The following HPSE2 variants were observed in gnomAD, a reference collection of about 807,000 sequenced individuals.
HPSE2 encodes heparanase 2 (inactive).
Under a neutral mutation model 60.5 loss-of-function variants are expected in HPSE2, and 38 were observed. The ratio of observed to expected loss-of-function variants is 0.63; its 90% CI spans 0.48 to 0.82. The LOEUF is 0.82. HPSE2 is among the 40% of genes least tolerant of loss of function. HPSE2 has a pLI of 0.00. For missense variants in HPSE2, 713 were observed against 740.4 expected (o/e 0.96, Z 0.43); for synonymous variants, 295 against 293.2 (o/e 1.01, Z -0.06).
At chr10:98,613,249 C>T (rs1945809850) in intron 9 of HPSE2, among the ~76,000 whole-genome samples, 1 of 152,198 alleles carries the variant, frequency 6.6e-6, no homozygotes. Context: ...TTAGTGCTTA[C>T]ATTTCATAGA....
At chr10:98,861,103 A>T (rs982632543) in intron 3 of HPSE2, among the ~76,000 whole-genome samples, 2 of 152,208 alleles carry the variant, frequency 1.3e-5, no homozygotes, top group African/African-American at 4.8e-5. Context: ...GGTGGTAAAG[A>T]TATTAACATG....
intron 3 of HPSE2, among the ~76,000 whole-genome samples, chr10:98,940,602 A>C (rs1276093635): frequency 7.1e-6 from 1 of 140,122 alleles, no homozygotes; most frequent in Non-Finnish European, 1.5e-5. Context: ...TAGCTTACCA[A>C]CCAAAAAGAG....
intron 3 of HPSE2, among the ~76,000 whole-genome samples, chr10:98,772,391 T>C (rs747882090): frequency 2.0e-5 from 3 of 152,124 alleles, no homozygotes; most frequent in Non-Finnish European, 4.4e-5. Context: ...TAGTCCCTGG[T>C]CCCGAGCCAA....
At chr10:98,899,410 T>C (rs906422430) in intron 3 of HPSE2, among the ~76,000 whole-genome samples, 26 of 152,186 alleles carry the variant, frequency 1.7e-4, no homozygotes, top group Admixed American at 6.5e-4. Context: ...TTACAAACCA[T>C]ATATCTGATA....
the HPSE2 span, among the ~76,000 whole-genome samples, chr10:99,314,219 G>A: frequency 6.6e-6 from 1 of 152,182 alleles, no homozygotes; most frequent in African/African-American, 2.4e-5. Flanking sequence ...CTGGAATGCA[G>A]TGCCACCATC....
At chr10:98,872,554 G>C (rs1455054577) in intron 3 of HPSE2, among the ~76,000 whole-genome samples, 1 of 151,700 alleles carries the variant, frequency 6.6e-6, no homozygotes, top group Non-Finnish European at 1.5e-5. Context: ...CTTCACCTAG[G>C]GTAAAAACAT....
At chr10:98,904,186 T>C (rs753936898) in intron 3 of HPSE2, among the ~76,000 whole-genome samples, 2 of 152,174 alleles carry the variant, frequency 1.3e-5, no homozygotes, top group Non-Finnish European at 2.9e-5. Flanking sequence ...ATAGAGTTAG[T>C]AATGTGCTTT....
intron 2 of HPSE2, among the ~76,000 whole-genome samples, chr10:99,154,131 G>A (rs1279166081): frequency 6.2e-5 from 9 of 145,698 alleles, no homozygotes; most frequent in African/African-American, 1.7e-4. Flanking sequence ...TCTGATTGGT[G>A]TACCTGAAAG....
At chr10:98,930,496 T>C (rs1363307008) in intron 3 of HPSE2, among the ~76,000 whole-genome samples, 1 of 144,630 alleles carries the variant, frequency 6.9e-6, no homozygotes, top group Non-Finnish European at 1.5e-5. Context: ...TTTGGGTATA[T>C]ACCCAGTAAT....
intron 3 of HPSE2, among the ~76,000 whole-genome samples, chr10:99,035,272 TTTAAC>T (rs1300966557): frequency 2.6e-5 from 4 of 152,206 alleles, no homozygotes; most frequent in Non-Finnish European, 4.4e-5. Flanking sequence ...TTTCTATTAA[TTTAAC>T]TTTTTAAACT....
chr10:98,685,386 T>C (rs1947888025), intron 6 of HPSE2, among the ~76,000 whole-genome samples: 1 of 152,214 alleles, frequency 6.6e-6, no homozygotes, highest in Admixed American at 6.5e-5. Flanking sequence ...GACATTGCAA[T>C]CACTCCAGAA....
At chr10:98,879,511 T>C (rs908943523) in intron 3 of HPSE2, among the ~76,000 whole-genome samples, 14 of 152,032 alleles carry the variant, frequency 9.2e-5, no homozygotes, top group African/African-American at 2.7e-4. Context: ...CTTACAGGTA[T>C]AGCATTCCAC....
intron 3 of HPSE2, among the ~76,000 whole-genome samples, chr10:98,766,162 T>A (rs1261416924): frequency 6.6e-6 from 1 of 152,084 alleles, no homozygotes; most frequent in Non-Finnish European, 1.5e-5. Flanking sequence ...TATCCATAAA[T>A]TCAAGAATAA....
intron 3 of HPSE2, among the ~76,000 whole-genome samples, chr10:99,139,709 A>G (rs572084752): frequency 1.3e-5 from 2 of 152,200 alleles, no homozygotes; most frequent in African/African-American, 4.8e-5. Flanking sequence ...AATTTAAGAT[A>G]TATATATACA....
At chr10:99,292,263 G>C in the HPSE2 span, among the ~76,000 whole-genome samples, 782 of 152,226 alleles carry the variant, frequency 5.1e-3, 9 homozygotes, top group African/African-American at 0.018. Context: ...TTGGGAAGTT[G>C]GCTGGAAATT....
the HPSE2 span, among the ~76,000 whole-genome samples, chr10:99,267,673 G>A: frequency 3.2e-3 from 483 of 151,910 alleles, 2 homozygotes; most frequent in African/African-American, 0.011. Flanking sequence ...CCAGCTACTC[G>A]GGAGGCTGAG....
chr10:98,703,455 C>A (rs528507783), intron 5 of HPSE2, among the ~76,000 whole-genome samples: 1 of 134,210 alleles, frequency 7.5e-6, no homozygotes, highest in African/African-American at 2.6e-5. Context: ...ATCCTGATAC[C>A]AGAACCTGGC....
At chr10:98,488,948 C>CTT (rs1212605578) in intron 10 of HPSE2, among the ~76,000 whole-genome samples, 1 of 152,130 alleles carries the variant, frequency 6.6e-6, no homozygotes, top group Non-Finnish European at 1.5e-5. Context: ...TTTGAAAAGT[C>CTT]TTATCATGAT....
the HPSE2 span, among the ~76,000 whole-genome samples, chr10:99,277,160 T>G: frequency 1.3e-5 from 2 of 152,156 alleles, 1 homozygote; most frequent in South Asian, 4.1e-4. Context: ...AGATATCCCG[T>G]GGGGATATAA....
Sources: allele counts gnomAD v4.1 joint callset (sites outside exome capture counted in the v4.1 genomes callset), GRCh38; gene constraint gnomAD v4.1.1; transcripts MANE v1.5; gene names NCBI Gene and HGNC (gene_info 2026-07-23, HGNC 2026-07-21).